RANBP2: variants seen among roughly 807,000 people sequenced by gnomAD.
RANBP2 encodes RAN binding protein 2.
A neutral mutation model predicts 303.6 loss-of-function variants in RANBP2; 57 were observed. The observed-to-expected ratio is 0.19, with a 90% CI of 0.15 to 0.23. The LOEUF (loss-of-function observed/expected upper bound fraction) is 0.23. Among genes scored for constraint, RANBP2 ranks in the 10% least tolerant of loss-of-function variants. The probability of loss-of-function intolerance (pLI) is 1.00; values close to 1 mark genes in which losing one functional copy is unlikely to be tolerated. For synonymous variants in RANBP2, 1,167 were observed against 1,301.5 expected (o/e 0.90, Z 2.23); for missense variants, 3,138 against 3,780.8 (o/e 0.83, Z 4.46).
At chr2:109,251,991 C>T in the RANBP2 span, among the ~76,000 whole-genome samples, 1 of 152,052 alleles carries the variant, frequency 6.6e-6, no homozygotes, top group Non-Finnish European at 1.5e-5. Context: ...GACTATAATC[C>T]CACCACTTTG....
At chr2:108,990,719 G>A in the RANBP2 span, among the ~76,000 whole-genome samples, 1 of 152,202 alleles carries the variant, frequency 6.6e-6, no homozygotes, top group Non-Finnish European at 1.5e-5. Context: ...TTACTTAGCT[G>A]ACTTGATCCT....
chr2:108,906,342 G>A, the RANBP2 span: 9 of 1,614,064 alleles, frequency 5.6e-6, no homozygotes, highest in African/African-American at 2.7e-5. Flanking sequence ...CATACACATC[G>A]AGGATCTTTT....
the RANBP2 span, among the ~76,000 whole-genome samples, chr2:109,126,351 T>C: frequency 6.6e-6 from 1 of 152,172 alleles, no homozygotes; most frequent in East Asian, 1.9e-4. Flanking sequence ...GATAAAGATG[T>C]ACTGAGGGCA....
the RANBP2 span, among the ~76,000 whole-genome samples, chr2:109,311,156 G>A: frequency 1.7e-4 from 1 of 5,974 alleles, no homozygotes; most frequent in East Asian, 6.3e-3. Flanking sequence ...GATCAAGTGG[G>A]CTTCATCCCT....
chr2:109,679,641 T>G, the RANBP2 span, among the ~76,000 whole-genome samples: 1 of 152,198 alleles, frequency 6.6e-6, no homozygotes, highest in Non-Finnish European at 1.5e-5. Context: ...TCAAGACTCC[T>G]TAGAGTAGAA....
chr2:108,838,062 A>T, the RANBP2 span, among the ~76,000 whole-genome samples: 1 of 152,026 alleles, frequency 6.6e-6, no homozygotes, highest in Non-Finnish European at 1.5e-5. Flanking sequence ...AGGATTGGTT[A>T]GTTTGAATAA....
chr2:109,629,414 A>G, the RANBP2 span, among the ~76,000 whole-genome samples: 1 of 144,210 alleles, frequency 6.9e-6, no homozygotes, highest in Non-Finnish European at 1.5e-5. Flanking sequence ...AAAATTGTAA[A>G]TCTTCACCTT....
At chr2:108,987,351 C>T in the RANBP2 span, among the ~76,000 whole-genome samples, 6 of 152,270 alleles carry the variant, frequency 3.9e-5, no homozygotes, top group African/African-American at 9.6e-5. Flanking sequence ...GTAGGTTTTG[C>T]GCTCCGTGAG....
the RANBP2 span, among the ~76,000 whole-genome samples, chr2:109,475,246 G>C: frequency 6.6e-6 from 1 of 152,204 alleles, no homozygotes; most frequent in African/African-American, 2.4e-5. Flanking sequence ...CAAAGTGCTA[G>C]GATTACAGGC....
chr2:109,605,443 C>G, the RANBP2 span: 1 of 152,044 alleles, frequency 6.6e-6, no homozygotes, highest in Non-Finnish European at 1.5e-5. Flanking sequence ...GCACTCTACT[C>G]TGAGCGACAA....
At chr2:109,674,391 T>C in the RANBP2 span, among the ~76,000 whole-genome samples, 3 of 110,064 alleles carry the variant, frequency 2.7e-5, no homozygotes, top group African/African-American at 3.7e-5. Context: ...CCGGGAAACA[T>C]GGCAAGACCT....
the RANBP2 span, among the ~76,000 whole-genome samples, chr2:109,314,603 A>T: frequency 2.6e-5 from 4 of 152,304 alleles, no homozygotes; most frequent in South Asian, 8.3e-4. Context: ...CTTAATTTGC[A>T]TGTGTCTGTC....
chr2:108,865,311 A>G, the RANBP2 span, among the ~76,000 whole-genome samples: 1 of 152,202 alleles, frequency 6.6e-6, no homozygotes, highest in Admixed American at 6.5e-5. Flanking sequence ...AACCGTATAC[A>G]AAACTTAAGT....
the RANBP2 span, among the ~76,000 whole-genome samples, chr2:109,397,655 G>A: frequency 7.1e-3 from 1,076 of 152,282 alleles, 10 homozygotes; most frequent in African/African-American, 0.025. Context: ...AGCCCAGGGA[G>A]CCTTTTCTCA....
the RANBP2 span, among the ~76,000 whole-genome samples, chr2:109,019,634 G>A: frequency 1.3e-5 from 2 of 152,176 alleles, no homozygotes; most frequent in African/African-American, 2.4e-5. Context: ...AGTTTGGAGA[G>A]CAATTTGATG....
chr2:109,068,584 G>A, the RANBP2 span, among the ~76,000 whole-genome samples: 2 of 152,194 alleles, frequency 1.3e-5, no homozygotes, highest in South Asian at 2.1e-4. Flanking sequence ...TCATGGGTTT[G>A]TATTGTTTCT....
At chr2:109,760,077 C>A in the RANBP2 span, among the ~76,000 whole-genome samples, 1 of 140,538 alleles carries the variant, frequency 7.1e-6, no homozygotes, top group East Asian at 2.2e-4. Flanking sequence ...CCGAGCTCTG[C>A]TGTTTCCACA....
At chr2:109,121,040 A>T in the RANBP2 span, among the ~76,000 whole-genome samples, 1 of 152,140 alleles carries the variant, frequency 6.6e-6, no homozygotes, top group African/African-American at 2.4e-5. Context: ...AGGTCAGGAG[A>T]TCGAGACCAT....
the RANBP2 span, chr2:109,501,978 T>G: frequency 3.1e-6 from 1 of 320,770 alleles, no homozygotes; most frequent in South Asian, 5.6e-5. Flanking sequence ...GGCTGTGGTT[T>G]GCAGCCATGG....
Sources: allele counts gnomAD v4.1 joint callset (sites outside exome capture counted in the v4.1 genomes callset), GRCh38; gene constraint gnomAD v4.1.1; transcripts MANE v1.5; gene names NCBI Gene and HGNC (gene_info 2026-07-23, HGNC 2026-07-21).